CNTNAP2: variants seen among roughly 807,000 people sequenced by gnomAD.
CNTNAP2 encodes contactin associated protein 2, also known as contactin-associated protein-like 2.
Under a neutral mutation model 155.2 loss-of-function variants are expected in CNTNAP2, and 98 were observed. The observed-to-expected ratio is 0.63, with a 90% CI of 0.54 to 0.75. The LOEUF is 0.75. Ranked by LOEUF, CNTNAP2 falls within the 30% of genes least tolerant of loss-of-function variation. The pLI is 0.00. For synonymous variants in CNTNAP2, 651 were observed against 631.2 expected (o/e 1.03, Z -0.47); for missense variants, 1,727 against 1,688.1 (o/e 1.02, Z -0.40).
chr7:148,395,767 A>G (rs935371217), intron 22 of CNTNAP2, among the ~76,000 whole-genome samples: 1 of 152,060 alleles, frequency 6.6e-6, no homozygotes, highest in Admixed American at 6.5e-5. Context: ...CCTTTATTCA[A>G]AGACTTCTGT....
At chr7:147,797,811 T>C (rs1171162996) in intron 13 of CNTNAP2, among the ~76,000 whole-genome samples, 1 of 152,158 alleles carries the variant, frequency 6.6e-6, no homozygotes, top group Non-Finnish European at 1.5e-5. Context: ...TTTCCTACTT[T>C]CATTCCCAAA....
Position 146,905,840 on chromosome 7 carries a change from G to A in CNTNAP2, c.402+65936G>A, listed in dbSNP as rs564069152. 8.5e-5 allele frequency among the ~76,000 whole-genome samples: 13 copies of A among 152,342 alleles called. No individual in the cohort carries two copies. In the South Asian group the frequency reaches 1.0e-3, roughly 12 times the overall value. On this transcript the variant is annotated intron_variant, in intron 3 of 23. Coordinates refer to ENST00000361727, the MANE Select transcript of CNTNAP2 (RefSeq NM_014141.6). The stretch of plus-strand genomic sequence containing the variant: ...CAGCTCCGGGTCTACAGCTCCCAGC[G>A]TGAGCGATGCAGAAGATGGGTGATT...
chr7:147,080,879 C>A (rs1022850943), intron 4 of CNTNAP2: 3 of 151,466 alleles, frequency 2.0e-5, no homozygotes, highest in Non-Finnish European at 4.4e-5. Context: ...GCTATGTATC[C>A]TGAAAAGTGA....
rs1797766324 is a variant in CNTNAP2, at chr7:146,531,328, A to G, written c.98-242943A>G. ...TACACCAAACCCCTGCGAACAAACA[A>G]TTTACATATGTAACAAACCTGTACA... On this transcript the variant is annotated intron_variant, in intron 1 of 23. Coordinates refer to ENST00000361727, the MANE Select transcript of CNTNAP2 (RefSeq NM_014141.6). 3.3e-5 allele frequency among the ~76,000 whole-genome samples: 5 copies of G among 152,088 alleles called. No individual in the cohort carries two copies. The South Asian group carries it at 1.0e-3, about 32-fold the overall frequency.
intron 1 of CNTNAP2, among the ~76,000 whole-genome samples, chr7:146,254,653 T>C (rs1216975658): frequency 6.6e-6 from 1 of 152,248 alleles, no homozygotes; most frequent in Non-Finnish European, 1.5e-5. Flanking sequence ...AAACAATTTA[T>C]TGTACCTTTT....
chr7:146,352,343 G>A (rs374302737), intron 1 of CNTNAP2, among the ~76,000 whole-genome samples: 31 of 152,010 alleles, frequency 2.0e-4, no homozygotes, highest in Admixed American at 9.2e-4. Context: ...TCTTGCACAC[G>A]TATTCCAACA....
chr7:146,816,106 G>T (rs1036382956), intron 2 of CNTNAP2, among the ~76,000 whole-genome samples: 7 of 152,018 alleles, frequency 4.6e-5, no homozygotes. Context: ...CTTTTTTATG[G>T]CTGCATAGTA....
chr7:148,057,969 T>TTATTAC (rs2116505953), intron 15 of CNTNAP2, among the ~76,000 whole-genome samples: 1 of 147,894 alleles, frequency 6.8e-6, no homozygotes, highest in South Asian at 2.1e-4. Context: ...ATTATTATTA[T>TTATTAC]TATTATTATT....
intron 11 of CNTNAP2, among the ~76,000 whole-genome samples, chr7:147,501,184 C>G (rs1798804729): frequency 6.6e-6 from 1 of 151,494 alleles, no homozygotes; most frequent in Non-Finnish European, 1.5e-5. Context: ...ATTCAACATC[C>G]TTTCATAATA....
At chr7:146,658,177 C>A (rs1371609736) in intron 1 of CNTNAP2, among the ~76,000 whole-genome samples, 1 of 152,088 alleles carries the variant, frequency 6.6e-6, no homozygotes, top group Non-Finnish European at 1.5e-5. Context: ...CTTTGCATAG[C>A]GTCCTCTGCA....
At chr7:147,335,066 G>T (rs1795642846) in intron 9 of CNTNAP2, among the ~76,000 whole-genome samples, 1 of 152,092 alleles carries the variant, frequency 6.6e-6, no homozygotes, top group Non-Finnish European at 1.5e-5. Context: ...TAAGTGGCAG[G>T]AATTCATATT....
intron 12 of CNTNAP2, among the ~76,000 whole-genome samples, chr7:147,586,284 A>G (rs6943947): frequency 0.69 from 104,223 of 151,286 alleles, 36,472 homozygotes; most frequent in African/African-American, 0.81. Flanking sequence ...TAAAGAATCC[A>G]TTCTATCAGT....
chr7:147,330,031 T>C (rs1302240715), intron 9 of CNTNAP2, among the ~76,000 whole-genome samples: 6 of 152,094 alleles, frequency 3.9e-5, no homozygotes, highest in Non-Finnish European at 5.9e-5. Context: ...CTTTTATTGG[T>C]CACAAAGAGT....
intron 12 of CNTNAP2, among the ~76,000 whole-genome samples, chr7:147,610,910 T>G (rs1052177044): frequency 1.3e-5 from 2 of 152,018 alleles, no homozygotes; most frequent in African/African-American, 4.8e-5. Flanking sequence ...AGCTAATTTT[T>G]TGTATTTTTG....
intron 8 of CNTNAP2, among the ~76,000 whole-genome samples, chr7:147,265,005 T>G (rs147091968): frequency 9.9e-5 from 15 of 152,084 alleles, no homozygotes; most frequent in Non-Finnish European, 1.9e-4. Context: ...AAGGCAAGTC[T>G]TGATTTGTAG....
At chr7:146,781,850 A>G (rs958680829) in intron 2 of CNTNAP2, among the ~76,000 whole-genome samples, 1 of 152,092 alleles carries the variant, frequency 6.6e-6, no homozygotes, top group Non-Finnish European at 1.5e-5. Context: ...TGCAGCTGAT[A>G]TACTATAAAC....
At chr7:147,234,077 T>G (rs1455956253) in intron 8 of CNTNAP2, among the ~76,000 whole-genome samples, 1 of 151,178 alleles carries the variant, frequency 6.6e-6, no homozygotes, top group Admixed American at 6.6e-5. Flanking sequence ...ATCTAATTGC[T>G]ATTTTATTCA....
intron 12 of CNTNAP2, among the ~76,000 whole-genome samples, chr7:147,611,000 A>G (rs1173607384): frequency 1.3e-5 from 2 of 152,196 alleles, no homozygotes; most frequent in South Asian, 2.1e-4. Context: ...TCAGCCTCCC[A>G]GAGTGCTGGG....
intron 1 of CNTNAP2, among the ~76,000 whole-genome samples, chr7:146,678,868 A>G (rs1051968881): frequency 2.0e-5 from 3 of 152,232 alleles, no homozygotes; most frequent in African/African-American, 7.2e-5. Flanking sequence ...TCTAATACTT[A>G]TAATAAATAA....
Sources: allele counts gnomAD v4.1 joint callset (sites outside exome capture counted in the v4.1 genomes callset), GRCh38; gene constraint gnomAD v4.1.1; transcripts MANE v1.5; gene names NCBI Gene and HGNC (gene_info 2026-07-23, HGNC 2026-07-21).